The following DEPTOR variants were observed in gnomAD, a reference collection of about 807,000 sequenced individuals.
DEPTOR encodes the protein DEP domain containing MTOR interacting protein.
In DEPTOR, 41 loss-of-function variants were observed where a neutral mutation model predicts 41.6. The ratio of observed to expected loss-of-function variants is 0.98; its 90% confidence interval spans 0.77 to 1.28. The LOEUF is 1.28. Among genes scored for constraint, DEPTOR ranks in the 50% most tolerant of loss-of-function variants. DEPTOR has a pLI of 0.00. For missense variants in DEPTOR, 514 were observed against 527.9 expected, an observed-to-expected ratio of 0.97 and a Z score of 0.26; for synonymous variants, 195 against 192.3, an observed-to-expected ratio of 1.01 and a Z score of -0.12.
intron 4 of DEPTOR, among the ~76,000 whole-genome samples, chr8:119,978,215 T>G (rs1106481): frequency 0.74 from 112,416 of 151,392 alleles, 41,885 homozygotes; most frequent in Middle Eastern, 0.86. Flanking sequence ...GCCAGCACAA[T>G]ATCTCTATGC....
intron 4 of DEPTOR, among the ~76,000 whole-genome samples, chr8:119,989,138 C>A (rs1828867735): frequency 6.6e-6 from 1 of 151,482 alleles, no homozygotes; most frequent in South Asian, 2.1e-4. Context: ...AAGTAATTAG[C>A]ATTTTATGGT....
intron 1 of DEPTOR, among the ~76,000 whole-genome samples, chr8:119,894,709 A>G (rs1445151072): frequency 6.6e-6 from 1 of 152,200 alleles, no homozygotes; most frequent in Non-Finnish European, 1.5e-5. Context: ...AATAGTTCTT[A>G]AAAGTTAGTA....
intron 6 of DEPTOR, among the ~76,000 whole-genome samples, chr8:120,006,095 A>T (rs892197106): frequency 6.6e-6 from 1 of 152,200 alleles, no homozygotes; most frequent in African/African-American, 2.4e-5. Flanking sequence ...ATCCTAACTC[A>T]TTCATTCTTG....
intron 1 of DEPTOR, among the ~76,000 whole-genome samples, chr8:119,893,718 C>T (rs976427336): frequency 6.6e-6 from 1 of 152,002 alleles, no homozygotes; most frequent in Non-Finnish European, 1.5e-5. Flanking sequence ...ACCCCAACTA[C>T]TCGGGAGGCT....
chr8:119,897,141 T>A (rs1827530490), intron 1 of DEPTOR, among the ~76,000 whole-genome samples: 1 of 152,190 alleles, frequency 6.6e-6, no homozygotes, highest in African/African-American at 2.4e-5. Flanking sequence ...TCGAAGAGTT[T>A]CTATGACATG....
chr8:119,915,640 G>A (rs542224903), intron 1 of DEPTOR, among the ~76,000 whole-genome samples: 5 of 152,254 alleles, frequency 3.3e-5, no homozygotes, highest in South Asian at 2.1e-4. Context: ...GTAAGTCTCC[G>A]TTTTTCCAGC....
intron 3 of DEPTOR, among the ~76,000 whole-genome samples, chr8:119,947,028 C>A (rs966473676): frequency 3.3e-5 from 5 of 152,102 alleles, no homozygotes; most frequent in African/African-American, 1.2e-4. Context: ...CTTGTTCATG[C>A]TACTTTATGC....
Position 119,954,145 on chromosome 8 carries a change from C to CT in DEPTOR, c.426-11072dup, listed in dbSNP as rs11352000. Among the ~76,000 whole-genome samples the CT allele has an allele frequency of 2.3e-3, 327 of 141,484 alleles. 1 individual carries two copies. Among genetic ancestry groups the CT allele is most frequent in the Middle Eastern group, 7.5e-3 (2 of 268 alleles). The allele number at this position is 141,484 out of a possible 152,430, so 92.8% of individuals were successfully genotyped here. ...AATATTTGGGTGAATGAATAATTAACTTTTTTTTTTTTTTTGGAGACAGGG... is the reference window on the plus strand; with the variant it reads ...AATATTTGGGTGAATGAATAATTAACTTTTTTTTTTTTTTTTGGAGACAGGG... On this transcript the variant is annotated intron_variant, in intron 3 of 8. Transcript: ENST00000286234.
intron 4 of DEPTOR, among the ~76,000 whole-genome samples, chr8:119,979,035 C>A (rs1234973940): frequency 1.3e-5 from 2 of 152,124 alleles, no homozygotes; most frequent in African/African-American, 4.8e-5. Flanking sequence ...CAGGGAGTAA[C>A]TACCAGGAAT....
At chr8:120,005,165 GT>G (rs1238880075) in intron 6 of DEPTOR, among the ~76,000 whole-genome samples, 1 of 152,136 alleles carries the variant, frequency 6.6e-6, no homozygotes, top group African/African-American at 2.4e-5. Flanking sequence ...CCCCCTGAGG[GT>G]TTATGGGGAG....
chr8:119,951,097 C>T (rs1226681292), intron 3 of DEPTOR, among the ~76,000 whole-genome samples: 2 of 146,378 alleles, frequency 1.4e-5, no homozygotes, highest in Non-Finnish European at 3.0e-5. Flanking sequence ...ACACACACAT[C>T]AATTTTCCCA....
chr8:119,918,433 A>G (rs1827842380), intron 1 of DEPTOR, among the ~76,000 whole-genome samples: 1 of 146,678 alleles, frequency 6.8e-6, no homozygotes, highest in Non-Finnish European at 1.5e-5. Flanking sequence ...TTTGGCATGG[A>G]CCACCTTTAT....
At chr8:119,894,408 A>T (rs1586602536) in intron 1 of DEPTOR, among the ~76,000 whole-genome samples, 1 of 149,694 alleles carries the variant, frequency 6.7e-6, no homozygotes, top group African/African-American at 2.5e-5. Flanking sequence ...TTATTTATTT[A>T]TTTTTTGAGA....
At chr8:120,043,922 G>A (rs1458992488) in intron 8 of DEPTOR, among the ~76,000 whole-genome samples, 1 of 151,890 alleles carries the variant, frequency 6.6e-6, no homozygotes, top group Non-Finnish European at 1.5e-5. Context: ...TGAGGCATGA[G>A]AATTGTTTGA....
intron 3 of DEPTOR, 110 bp downstream of exon 3, chr8:119,930,048 C>A: frequency 7.6e-7 from 1 of 1,311,040 alleles, no homozygotes. Flanking sequence ...GGGCTGGTTA[C>A]ATAACTGTTC....
chr8:119,905,421 T>G (rs1389258425), intron 1 of DEPTOR, among the ~76,000 whole-genome samples: 1 of 152,112 alleles, frequency 6.6e-6, no homozygotes, highest in Non-Finnish European at 1.5e-5. Flanking sequence ...AAGGTGTTTT[T>G]ACTAGGAGTG....
chr8:119,890,365 C>A (rs1289356398), intron 1 of DEPTOR, among the ~76,000 whole-genome samples: 2 of 152,036 alleles, frequency 1.3e-5, no homozygotes, highest in Non-Finnish European at 2.9e-5. Flanking sequence ...TGCAGTGGCA[C>A]AATCTTGGCT....
intron 8 of DEPTOR, among the ~76,000 whole-genome samples, chr8:120,031,822 C>T (rs150786678): frequency 5.1e-4 from 77 of 152,226 alleles, no homozygotes; most frequent in African/African-American, 1.8e-3. Context: ...GGGGAGCTTC[C>T]ATTTTTTATG....
chr8:119,996,596 A>G (rs1812262826), intron 4 of DEPTOR, among the ~76,000 whole-genome samples: 1 of 152,196 alleles, frequency 6.6e-6, no homozygotes, highest in Non-Finnish European at 1.5e-5. Flanking sequence ...CTGGATGTAA[A>G]CTAAACACTG....
Sources: allele counts gnomAD v4.1 joint callset (sites outside exome capture counted in the v4.1 genomes callset), GRCh38; gene constraint gnomAD v4.1.1; transcripts MANE v1.5; gene names NCBI Gene and HGNC (gene_info 2026-07-23, HGNC 2026-07-21).